Variants in BBX observed in about 807,000 individuals in gnomAD.
The protein encoded by BBX is HMG box transcription factor BBX.
BBX carries 30 observed loss-of-function variants against 100.2 expected under a neutral mutation model. The observed-to-expected ratio is 0.30, with a 90% confidence interval of 0.22 to 0.41. BBX has a LOEUF of 0.41. Ranked by LOEUF, BBX falls within the 10% of genes least tolerant of loss-of-function variation. The pLI is 1.00. For missense variants in BBX, 1,023 were observed against 1,129.8 expected, an observed-to-expected ratio of 0.91 and a Z score of 1.35; for synonymous variants, 376 against 388.1, an observed-to-expected ratio of 0.97 and a Z score of 0.37.
chr3:107,689,469 C>T (rs1399129710), intron 3 of BBX, among the ~76,000 whole-genome samples: 2 of 152,174 alleles, frequency 1.3e-5, no homozygotes, highest in Non-Finnish European at 2.9e-5. Context: ...GATGTGTGTG[C>T]TCTCCATCAA....
chr3:107,636,000 G>A (rs964722904), intron 2 of BBX, among the ~76,000 whole-genome samples: 10 of 152,104 alleles, frequency 6.6e-5, no homozygotes, highest in Non-Finnish European at 5.9e-5. Context: ...GTTAGCCACC[G>A]TGCCCGGAGT....
intron 3 of BBX, among the ~76,000 whole-genome samples, chr3:107,686,759 A>C (rs906697191): frequency 1.3e-5 from 2 of 152,144 alleles, no homozygotes; most frequent in Non-Finnish European, 2.9e-5. Context: ...CATGTTTATT[A>C]CTTGTCTGAG....
intron 3 of BBX, among the ~76,000 whole-genome samples, chr3:107,708,542 C>T (rs1267306357): frequency 4.6e-5 from 7 of 151,826 alleles, no homozygotes; most frequent in African/African-American, 9.7e-5. Flanking sequence ...GTTGTGGTGG[C>T]GGGCGCCCGT....
rs181524017 is a variant in BBX at position 107,764,096 on chromosome 3, G to A, written c.906+8418G>A. On this transcript the variant is annotated intron_variant, in intron 10 of 17. Coordinates refer to ENST00000325805, the MANE Select transcript of BBX (RefSeq NM_001142568.3). ...CAACCTCTGCCTCCTGGGTTCAAGC[G>A]ATTCTCCTGCCTCAGCCTCCTGAGT... 2.5e-3 allele frequency among the ~76,000 whole-genome samples: 383 copies of A among 152,226 alleles called. 2 individuals carry two copies. The highest frequency in any genetic ancestry group is 7.3e-3 in the African/African-American group (305 of 41,540).
chr3:107,583,943 T>TA, intron 2 of BBX, among the ~76,000 whole-genome samples: 1 of 96,682 alleles, frequency 1.0e-5, no homozygotes, highest in Non-Finnish European at 1.9e-5. Flanking sequence ...ATATATTATA[T>TA]ATATTATTAT....
At chr3:107,801,377 A>G in intron 17 of BBX, 96 bp downstream of exon 17, 1 of 1,378,546 alleles carries the variant, frequency 7.3e-7, no homozygotes, top group Non-Finnish European at 9.7e-7. Flanking sequence ...TTGGGGTTCA[A>G]ACTTGGTTCA....
chr3:107,714,809 C>T (rs1022821434), intron 4 of BBX, among the ~76,000 whole-genome samples: 17 of 151,026 alleles, frequency 1.1e-4, no homozygotes, highest in African/African-American at 3.6e-4. Context: ...TTTTTTGAGA[C>T]GGAGTCTTGC....
intron 2 of BBX, among the ~76,000 whole-genome samples, chr3:107,628,630 T>C (rs2056358310): frequency 6.6e-6 from 1 of 152,150 alleles, no homozygotes; most frequent in African/African-American, 2.4e-5. Context: ...TGACATAATA[T>C]TAAAATTCAC....
At chr3:107,674,577 ACTT>A (rs1363611063) in intron 3 of BBX, among the ~76,000 whole-genome samples, 1 of 152,154 alleles carries the variant, frequency 6.6e-6, no homozygotes, top group Non-Finnish European at 1.5e-5. Flanking sequence ...GCTTTGACTC[ACTT>A]CTTTCCCCTG....
chr3:107,596,809 G>A (rs760819492), intron 2 of BBX, among the ~76,000 whole-genome samples: 1 of 152,158 alleles, frequency 6.6e-6, no homozygotes, highest in Non-Finnish European at 1.5e-5. Flanking sequence ...TACTCAACGA[G>A]TATAACCACA....
chr3:107,526,437 CAATT>C (rs2047783375), intron 2 of BBX, 39 bp downstream of exon 2: 1 of 398,356 alleles, frequency 2.5e-6, no homozygotes, highest in South Asian at 1.3e-4. Context: ...AGCAGGATGA[CAATT>C]AGTAATGACA....
intron 2 of BBX, among the ~76,000 whole-genome samples, chr3:107,633,129 TTATTA>T (rs1221977317): frequency 6.6e-6 from 1 of 152,102 alleles, no homozygotes; most frequent in African/African-American, 2.4e-5. Flanking sequence ...TGGGAAAACT[TTATTA>T]TATAAGTTAC....
chr3:107,702,482 T>C (rs1393600204), intron 3 of BBX, among the ~76,000 whole-genome samples: 1 of 152,184 alleles, frequency 6.6e-6, no homozygotes, highest in Admixed American at 6.5e-5. Flanking sequence ...CAAAACAACA[T>C]AAAGAAACGC....
chr3:107,643,743 A>G (rs2057357741), intron 2 of BBX, among the ~76,000 whole-genome samples: 1 of 152,164 alleles, frequency 6.6e-6, no homozygotes, highest in Non-Finnish European at 1.5e-5. Flanking sequence ...ACACTCTCTG[A>G]AATACTAGTG....
chr3:107,629,963 A>G (rs1473703671), intron 2 of BBX, among the ~76,000 whole-genome samples: 1 of 152,134 alleles, frequency 6.6e-6, no homozygotes, highest in African/African-American at 2.4e-5. Flanking sequence ...TATAAAAGAG[A>G]ATAAGCCTAA....
intron 2 of BBX, among the ~76,000 whole-genome samples, chr3:107,632,939 A>G (rs2056636659): frequency 6.6e-6 from 1 of 152,234 alleles, no homozygotes; most frequent in Admixed American, 6.5e-5. Context: ...GGATGTTCAT[A>G]AAATACTGAT....
intron 2 of BBX, among the ~76,000 whole-genome samples, chr3:107,584,126 ATATT>A (rs2052589517): frequency 4.9e-5 from 1 of 20,216 alleles, no homozygotes; most frequent in Non-Finnish European, 9.9e-5. Context: ...TATAATATAT[ATATT>A]ATTATATATA....
chr3:107,802,644 C>T (rs1210703359), intron 17 of BBX, among the ~76,000 whole-genome samples: 1 of 152,224 alleles, frequency 6.6e-6, no homozygotes, highest in Non-Finnish European at 1.5e-5. Context: ...AAGGCTAGCA[C>T]ATAAGCAGCT....
At chr3:107,619,133 C>T (rs631400) in intron 2 of BBX, among the ~76,000 whole-genome samples, 51,773 of 151,850 alleles carry the variant, frequency 0.34, 9,889 homozygotes, top group East Asian at 0.88. Context: ...TATCATGATA[C>T]AGTGTTTCTG....
Sources: gnomAD v4.1 joint callset for allele counts (sites outside exome capture counted in the v4.1 genomes callset) on GRCh38, gnomAD v4.1.1 for gene constraint, MANE v1.5 for transcripts, NCBI Gene and HGNC (gene_info 2026-07-23, HGNC 2026-07-21) for gene names.